KDM5B: variants seen among roughly 807,000 people sequenced by gnomAD.
The protein encoded by KDM5B is lysine demethylase 5B.
KDM5B carries 144 observed loss-of-function variants against 193.4 expected under a neutral mutation model. The ratio of observed to expected loss-of-function variants is 0.74; its 90% confidence interval spans 0.65 to 0.86. The LOEUF is 0.86. Ranked by LOEUF, KDM5B falls within the 40% of genes least tolerant of loss-of-function variation. The pLI is 0.00. For synonymous variants in KDM5B, 668 were observed against 682.6 expected (o/e 0.98, Z 0.33); for missense variants, 1,833 against 1,886.9 (o/e 0.97, Z 0.53).
Position 202,764,116 on chromosome 1 carries a change from C to T in KDM5B, c.741G>A (p.Glu247=). The T allele has an allele frequency of 1.3e-6, 2 of 1,572,290 alleles. No individual in the cohort carries two copies. Among genetic ancestry groups the T allele is most frequent in the Non-Finnish European group, 1.7e-6 (2 of 1,158,852 alleles). The part of the protein sequence containing the change: ...EAMNIKIEPE[E]TTEARTHNLR... ...GATTATGAGTTCTGGCTTCCGTTGT[C>T]TCCTCGGGTTCTATTTTAATATTCA... Residue 247 remains glutamate (E), a synonymous_variant, in exon 6 of 27, where the codon GAG becomes GAA. Coordinates refer to ENST00000367265, the MANE Select transcript of KDM5B (RefSeq NM_006618.5).
chr1:202,730,124 AT>A, intron 25 of KDM5B, 97 bp from the exon 26 acceptor site: 1 of 987,780 alleles, frequency 1.0e-6, no homozygotes, highest in Non-Finnish European at 1.4e-6. Flanking sequence ...AAATCAGATG[AT>A]CCCCCAATCT....
At position 202,808,122 on chromosome 1, in the gene KDM5B, A is replaced by G; in HGVS notation, c.184T>C (p.Cys62Arg). The G allele has an allele frequency of 6.2e-7, 1 of 1,611,688 alleles. No homozygotes were observed. The highest frequency in any genetic ancestry group is 8.5e-7 in the Non-Finnish European group (1 of 1,179,156). The change falls in exon 1 of 27, where the codon TGT (cysteine) becomes CGT (arginine). Residue 62 changes from cysteine to arginine, a missense_variant. By Grantham distance (180) the Cys-to-Arg change is radical. Around this residue, in one of 3 missense-constraint regions of KDM5B, gnomAD observed 355 missense variants for 374.9 expected, o/e 0.95. Coordinates refer to ENST00000367265, the MANE Select transcript of KDM5B (RefSeq NM_006618.5). ...IRPIAEQTGI[C>R]KVRPPPDWQP... The stretch of plus-strand genomic sequence containing the variant: ...CTCACCGGCGGCGGCCGCACCTTAC[A>G]GATGCCAGTCTGCTCGGCTATGGGC...
intron 16 of KDM5B, among the ~76,000 whole-genome samples, chr1:202,743,531 C>A (rs1444506311): frequency 1.3e-5 from 2 of 152,118 alleles, no homozygotes; most frequent in Admixed American, 6.5e-5. Flanking sequence ...GACTCAGAGA[C>A]AATGATATTG....
chr1:202,755,427 A>C lies in KDM5B; in HGVS notation c.1382T>G (p.Leu461Trp). Residue 461 changes from leucine to tryptophan, a missense_variant, in exon 11 of 27, where the codon TTG becomes TGG. Leu to Trp is a moderately conservative substitution (Grantham distance 61, BLOSUM62 -2). Transcript: ENST00000367265. The part of the protein sequence containing the change: ...EEEYLDSGWN[L>W]NNMPVMEQSV... ...CTGCTCCATCACTGGCATGTTGTTC[A>C]AATTCCAGCCACTATCAAGATACTC... 2 of 1,613,774 alleles carry C rather than the reference A, an allele frequency of 1.2e-6. No individual in the cohort carries two copies. The highest frequency in any genetic ancestry group is 1.7e-6 in the Non-Finnish European group (2 of 1,179,748).
At chr1:202,734,680 A>G (rs1558480670) in intron 22 of KDM5B, among the ~76,000 whole-genome samples, 1 of 152,258 alleles carries the variant, frequency 6.6e-6, no homozygotes, top group African/African-American at 2.4e-5. Flanking sequence ...TGATGGCAGA[A>G]TTCTGTCTAG....
Position 202,731,809 on chromosome 1 carries a change from G to C in KDM5B, c.4021+19C>G. ...CACTCATTACTATCCAGCCCTCAAC[G>C]TAATAACAAAATACAAACCATGGAG... On this transcript the variant is annotated intron_variant, in intron 24 of 26. Coordinates refer to ENST00000367265, the MANE Select transcript of KDM5B (RefSeq NM_006618.5). The C allele has an allele frequency of 1.3e-6, 2 of 1,517,844 alleles. No individual in the cohort carries two copies. Among genetic ancestry groups the C allele is most frequent in the Non-Finnish European group, 1.8e-6 (2 of 1,092,464 alleles). The allele number at this position is 1,517,844 out of a possible 1,614,324, so 94.0% of individuals were successfully genotyped here. A position where few individuals can be genotyped will look rare whatever the true frequency, so the allele number is the denominator to read the frequency against.
intron 1 of KDM5B, among the ~76,000 whole-genome samples, chr1:202,807,679 C>T (rs1571467993): frequency 6.7e-6 from 1 of 148,970 alleles, no homozygotes; most frequent in East Asian, 2.1e-4. Flanking sequence ...CACCCCCGCA[C>T]CCCGGGAGCG....
Position 202,731,075 on chromosome 1 carries a change from C to G in KDM5B, c.4022-12G>C, listed in dbSNP as rs1440452119. ...TTCTGGACTAACACCTGTAAAAGAC[C>G]AGACCAAATCAAAATGATAACAACA... On this transcript the variant is annotated splice_polypyrimidine_tract_variant and intron_variant, in intron 24 of 26. Coordinates refer to ENST00000367265, the MANE Select transcript of KDM5B (RefSeq NM_006618.5). 1 of 1,575,934 alleles carries G rather than the reference C, an allele frequency of 6.3e-7. No homozygotes were observed.
chr1:202,775,013 G>A (rs777517989), intron 2 of KDM5B, among the ~76,000 whole-genome samples: 20 of 151,934 alleles, frequency 1.3e-4, no homozygotes, highest in Middle Eastern at 3.4e-3. Flanking sequence ...AGGCTGAGGC[G>A]AGCGAATCAC....
intron 1 of KDM5B, among the ~76,000 whole-genome samples, chr1:202,780,888 A>G (rs993461810): frequency 9.9e-5 from 15 of 152,082 alleles, no homozygotes; most frequent in East Asian, 5.8e-4. Flanking sequence ...GTTTGCGCCA[A>G]CCTAATAACA....
chr1:202,740,336 G>A (rs1462660001), intron 20 of KDM5B, among the ~76,000 whole-genome samples: 3 of 134,124 alleles, frequency 2.2e-5, no homozygotes, highest in African/African-American at 7.8e-5. Flanking sequence ...CCTCCCGGAC[G>A]GGGTGGCCGG....
At position 202,760,466 on chromosome 1, in the gene KDM5B, A is replaced by G. The variant is rs765745657; in HGVS notation, c.1026T>C (p.Pro342=). The change falls in exon 8 of 27, where the codon CCT becomes CCC. Residue 342 remains proline, a synonymous_variant. Transcript: ENST00000367265. ...AGTCTCCCTTGGGAACATCATGGAG[A>G]GGTGGGATCAAGCAAAAGGTATGGT... The part of the protein sequence containing the change: ...DSYHTFCLIP[P]LHDVPKGDWR... 1.2e-6 allele frequency: 2 copies of G among 1,613,662 alleles called. No individual in the cohort carries two copies. The highest frequency in any genetic ancestry group is 1.7e-6 in the Non-Finnish European group (2 of 1,179,754).
chr1:202,798,399 T>A (rs944634202), intron 1 of KDM5B, among the ~76,000 whole-genome samples: 1 of 151,170 alleles, frequency 6.6e-6, no homozygotes, highest in South Asian at 2.1e-4. Flanking sequence ...CCTCCCCAAG[T>A]GCTGGGATTA....
chr1:202,796,083 C>T (rs529812740), intron 1 of KDM5B: 9 of 203,900 alleles, frequency 4.4e-5, no homozygotes, highest in East Asian at 1.7e-4. Context: ...GGTGGTCTCA[C>T]GTTTCAAGGG....
Position 202,730,968 on chromosome 1 carries a change from T to A in KDM5B, c.4117A>T (p.Lys1373Ter). The A allele has an allele frequency of 6.2e-7, 1 of 1,613,924 alleles. No individual in the cohort carries two copies. Among genetic ancestry groups the A allele is most frequent in the Non-Finnish European group, 8.5e-7 (1 of 1,179,858 alleles). Residue 1373 changes from lysine (K) to a stop codon, truncating the protein, a stop_gained, in exon 25 of 27, where the codon AAG (lysine) becomes TAG (stop). Transcript: ENST00000367265. LOFTEE classifies it high-confidence loss of function. ...TCAGTCTGCTGAGCAGGGCTTGGCTTTGCAAGTAAAGTCTGGTAAAGTTCC... is the reference window on the plus strand; with the variant it reads ...TCAGTCTGCTGAGCAGGGCTTGGCTATGCAAGTAAAGTCTGGTAAAGTTCC... ...IQELYQTLLA[K>*]PSPAQQTDRS...
At chr1:202,806,672 G>C (rs1357706516) in intron 1 of KDM5B, 1 of 152,178 alleles carries the variant, frequency 6.6e-6, no homozygotes, top group Non-Finnish European at 1.5e-5. Flanking sequence ...GAAGGGTTAA[G>C]AAGCCTTATT....
chr1:202,730,825 T>TA, intron 25 of KDM5B, 84 bp downstream of exon 25: 1 of 1,353,672 alleles, frequency 7.4e-7, no homozygotes. Context: ...TCACACCAGC[T>TA]GTCTGGTTAT....
At chr1:202,771,020 A>G (rs993551203) in intron 4 of KDM5B, among the ~76,000 whole-genome samples, 7 of 152,198 alleles carry the variant, frequency 4.6e-5, no homozygotes, top group Admixed American at 1.3e-4. Context: ...TTTTAAGTAT[A>G]TAAGTGACAT....
intron 1 of KDM5B, among the ~76,000 whole-genome samples, chr1:202,804,642 T>C (rs1658210277): frequency 6.6e-6 from 1 of 152,146 alleles, no homozygotes; most frequent in South Asian, 2.1e-4. Context: ...CACAAGAAGT[T>C]AAAGCTGAAA....
Sources: gnomAD v4.1 joint callset for allele counts (sites outside exome capture counted in the v4.1 genomes callset) on GRCh38, gnomAD v4.1.1 for gene constraint, gnomAD v4.1.1 regional missense constraint, MANE v1.5 for transcripts, NCBI Gene and HGNC (gene_info 2026-07-23, HGNC 2026-07-21) for gene names.